Variants in ACACA observed in about 807,000 individuals in gnomAD.
ACACA encodes acetyl-CoA carboxylase 1.
In ACACA, 103 loss-of-function variants were observed where a neutral mutation model predicts 296.1. That is an observed-to-expected ratio of 0.35 (90% CI 0.30 to 0.41). The LOEUF is 0.41. Ranked by LOEUF, ACACA falls within the 10% of genes least tolerant of loss-of-function variation. ACACA has a pLI of 1.00. For synonymous variants in ACACA, 953 were observed against 1,038.6 expected, an observed-to-expected ratio of 0.92 and a Z score of 1.58; for missense variants, 1,554 against 2,989.7, an observed-to-expected ratio of 0.52 and a Z score of 11.20.
At chr17:37,385,514 A>C (rs908049627) in intron 1 of ACACA, among the ~76,000 whole-genome samples, 1 of 151,978 alleles carries the variant, frequency 6.6e-6, no homozygotes. Context: ...CAAGGAGTAC[A>C]TGAAGCTGGG....
Position 37,119,290 on chromosome 17 carries a change from C to A in ACACA, c.6274+2065G>T, listed in dbSNP as rs1017601007. On this transcript the variant is annotated intron_variant, in intron 50 of 55. Transcript: ENST00000616317. ...TTTGCTCAAGACATTTTTCTTGTCT[C>A]TGTGAAGCAATGTATTGTTTCTGAC... Among the ~76,000 whole-genome samples, 6 of 152,022 alleles carry A rather than the reference C, an allele frequency of 3.9e-5. No individual in the cohort carries two copies. The South Asian group carries it at 1.2e-3, about 32-fold the overall frequency.
chr17:37,382,419 T>C (rs960582389), intron 1 of ACACA, among the ~76,000 whole-genome samples: 3 of 151,948 alleles, frequency 2.0e-5, no homozygotes, highest in Admixed American at 6.6e-5. Flanking sequence ...CTAGATGCTA[T>C]TGCTACATTA....
chr17:37,129,504 A>G lies in ACACA; in HGVS notation c.5824-19T>C. On this transcript the variant is annotated intron_variant, in intron 46 of 55. Transcript: ENST00000616317. ...GCACGCTCTAAAAGGAGATTGGAAG[A>G]GAGCACAGCAATCAGTGAACGACAG... The G allele has an allele frequency of 6.2e-7, 1 of 1,613,796 alleles. No homozygotes were observed. Among genetic ancestry groups the G allele is most frequent in the East Asian group, 2.2e-5 (1 of 44,870 alleles).
chr17:37,152,398 T>C (rs1370532425), intron 43 of ACACA, among the ~76,000 whole-genome samples: 1 of 152,176 alleles, frequency 6.6e-6, no homozygotes, highest in African/African-American at 2.4e-5. Context: ...AACAGAGCGG[T>C]AGTGAGAATG....
chr17:37,143,554 C>T (rs1366361957), intron 45 of ACACA: 20 of 544,590 alleles, frequency 3.7e-5, no homozygotes, highest in African/African-American at 2.9e-4. Flanking sequence ...CAAAAGAAGA[C>T]ACCATACAGT....
chr17:37,374,502 G>T (rs774551966), intron 1 of ACACA, among the ~76,000 whole-genome samples: 36 of 152,118 alleles, frequency 2.4e-4, no homozygotes, highest in Non-Finnish European at 4.6e-4. Flanking sequence ...GGTCAGGCTG[G>T]TCTCGAACTC....
At chr17:37,377,208 A>G (rs934143822) in intron 1 of ACACA, among the ~76,000 whole-genome samples, 2 of 152,086 alleles carry the variant, frequency 1.3e-5, no homozygotes, top group Admixed American at 1.3e-4. Context: ...AGAAGAGAAA[A>G]TAAGCAGTAT....
chr17:37,103,729 AC>A (rs2073500515), intron 52 of ACACA, among the ~76,000 whole-genome samples: 2 of 138,968 alleles, frequency 1.4e-5, no homozygotes, highest in Non-Finnish European at 3.0e-5. Flanking sequence ...ACAAACACAC[AC>A]ACACACACAC....
Position 37,097,140 on chromosome 17 carries a change from A to G in ACACA, c.6747T>C (p.Arg2249=). ...ISDILDWKTS[R]TFFYWRLRRL... ...GCCTCAGCCGCCAGTAGAAGAAGGT[A>G]CGGGATGTTTTCCAATCCAGGATAT... Residue 2249 remains arginine, a synonymous_variant, in exon 54 of 56, where the codon CGT becomes CGC. Coordinates refer to ENST00000616317, the MANE Select transcript of ACACA (RefSeq NM_198834.3). The surrounding 1 kb of genome is among the most constrained non-coding windows in gnomAD (Gnocchi z 4.8). The G allele has an allele frequency of 6.2e-7, 1 of 1,613,990 alleles. No homozygotes were observed. The highest frequency in any genetic ancestry group is 8.5e-7 in the Non-Finnish European group (1 of 1,180,028).
chr17:37,277,356 T>TTA (rs1218782592), intron 6 of ACACA, among the ~76,000 whole-genome samples: 7 of 152,256 alleles, frequency 4.6e-5, no homozygotes, highest in Admixed American at 4.6e-4. Flanking sequence ...TAAGATCCAG[T>TTA]TATACTTGTT....
At chr17:37,229,159 G>A (rs1410509012) in intron 25 of ACACA, among the ~76,000 whole-genome samples, 79 of 144,448 alleles carry the variant, frequency 5.5e-4, no homozygotes, top group Admixed American at 1.7e-3. Context: ...AAAAAAAAAA[G>A]CACACTAATC....
chr17:37,124,271 C>G (rs1008283602), intron 48 of ACACA, among the ~76,000 whole-genome samples: 11 of 152,210 alleles, frequency 7.2e-5, no homozygotes, highest in African/African-American at 2.7e-4. Flanking sequence ...AGGAGGAAGT[C>G]AGAGTGAGTG....
In ACACA at chr17:37,332,035, T is replaced by G. The variant is rs118153624; in HGVS notation, c.86-1610A>C. On this transcript the variant is annotated intron_variant, in intron 2 of 55. Transcript: ENST00000616317. The stretch of plus-strand genomic sequence containing the variant: ...AGAAGAAAATGAATCTATCACCAAA[T>G]TTAAAATCTATAATCACCTCAAGTA... Among the ~76,000 whole-genome samples the G allele has an allele frequency of 8.1e-3, 1,236 of 152,194 alleles. 8 individuals carry two copies. The highest frequency in any genetic ancestry group is 0.027 in the Middle Eastern group (8 of 294).
At chr17:37,369,263 A>T (rs2049715773) in intron 1 of ACACA, 1 of 152,176 alleles carries the variant, frequency 6.6e-6, no homozygotes, top group South Asian at 2.1e-4. Flanking sequence ...GAGAGGCTAA[A>T]GCAGGAGGAT....
At chr17:37,248,853 T>A (rs1385740933) in intron 16 of ACACA, among the ~76,000 whole-genome samples, 179 bp from the exon 17 acceptor site, 5 of 152,248 alleles carry the variant, frequency 3.3e-5, no homozygotes, top group African/African-American at 1.2e-4. Context: ...TGGATTTTTT[T>A]AAATTAGGGT....
At chr17:37,207,870 G>A (rs2078577982) in intron 30 of ACACA, 70 bp from the exon 31 acceptor site, 4 of 1,573,390 alleles carry the variant, frequency 2.5e-6, no homozygotes, top group South Asian at 1.1e-5. Flanking sequence ...GTAACAGTAG[G>A]GAAAAGGAAC....
In ACACA at chr17:37,406,579, C is replaced by T. The variant is rs1597821771; in HGVS notation, c.-280G>A. 3.5e-6 allele frequency: 2 copies of T among 578,804 alleles called. No homozygotes were observed. The highest frequency in any genetic ancestry group is 4.0e-5 in the South Asian group (2 of 50,246). 35.9% of individuals were successfully genotyped at this position (578,804 alleles called of 1,614,324 possible). On this transcript the variant is annotated 5_prime_UTR_variant, in exon 1 of 56. Transcript: ENST00000616317. Reference sequence around the variant, plus strand: ...TCCCCAAACCCAGGCAGTCCCGGCTCGGCCCGCCTCACCGCACTCCGGAGG... The same window carrying T: ...TCCCCAAACCCAGGCAGTCCCGGCTTGGCCCGCCTCACCGCACTCCGGAGG...
Position 37,087,406 on chromosome 17 carries a change from ATCCAT to A in ACACA, c.7057_7061del (p.Met2353PhefsTer118). 6.2e-7 allele frequency: 1 copy of A among 1,614,160 alleles called. No individual in the cohort carries two copies. Among genetic ancestry groups the A allele is most frequent in the Non-Finnish European group, 8.5e-7 (1 of 1,180,036 alleles). On this transcript the variant is annotated frameshift_variant, in exon 56 of 56. Transcript: ENST00000616317. LOFTEE classifies it high-confidence loss of function. ...TGTGCTGCGTCATATGGATGATGGA[ATCCAT>A]GGCAACCTCTGGATTGGCCTGGACC...
At position 37,210,626 on chromosome 17, in the gene ACACA, C is replaced by T. The variant is rs2078703380; in HGVS notation, c.3684-136G>A. 2.1e-5 allele frequency: 16 copies of T among 777,120 alleles called. No homozygotes were observed. The Admixed American group carries it at 2.3e-4, about 11-fold the overall frequency. The allele number at this position is 777,120 out of a possible 1,614,324, so 48.1% of individuals were successfully genotyped here. ...GGCATTCAGCAGACATAATTAAGTG[C>T]TCATTACCCTTCAACCCCCAGGATA... On this transcript the variant is annotated intron_variant, in intron 29 of 55. Coordinates refer to ENST00000616317, the MANE Select transcript of ACACA (RefSeq NM_198834.3).
Sources: allele counts gnomAD v4.1 joint callset (sites outside exome capture counted in the v4.1 genomes callset), GRCh38; gene constraint gnomAD v4.1.1; non-coding constraint Gnocchi (gnomAD v3.1); transcripts MANE v1.5; gene names NCBI Gene and HGNC (gene_info 2026-07-23, HGNC 2026-07-21).